Variants in SMG6 observed in about 807,000 individuals in gnomAD.
The protein encoded by SMG6 is SMG6 nonsense mediated mRNA decay factor.
Under a neutral mutation model 142.2 loss-of-function variants are expected in SMG6, and 66 were observed. The observed-to-expected ratio is 0.46, with a 90% CI of 0.38 to 0.57. SMG6 has a LOEUF of 0.57. Ranked by LOEUF, SMG6 falls within the 20% of genes least tolerant of loss-of-function variation. The pLI, the probability that SMG6 is intolerant of heterozygous loss-of-function variation, is 0.00. For missense variants in SMG6, 1,793 were observed against 1,832.0 expected (o/e 0.98, Z 0.39); for synonymous variants, 779 against 702.4 (o/e 1.11, Z -1.72).
chr17:2,137,990 T>C (rs2070359427), intron 13 of SMG6, among the ~76,000 whole-genome samples: 1 of 151,418 alleles, frequency 6.6e-6, no homozygotes, highest in Non-Finnish European at 1.5e-5. Context: ...GGTTGGAGAG[T>C]AGTATCACGG....
At chr17:2,212,347 G>C (rs2072889452) in intron 10 of SMG6, among the ~76,000 whole-genome samples, 1 of 152,150 alleles carries the variant, frequency 6.6e-6, no homozygotes, top group African/African-American at 2.4e-5. Flanking sequence ...AAAGAAAGGG[G>C]ATCTGGGCAG....
At position 2,303,713 on chromosome 17, in the gene SMG6, T is replaced by C; in HGVS notation, c.8A>G (p.Glu3Gly). The change falls in exon 1 of 19, where the codon GAA becomes GGA. Residue 3 changes from glutamate (E) to glycine (G), a missense_variant. Coordinates refer to ENST00000263073, the MANE Select transcript of SMG6 (RefSeq NM_017575.5). ...GGAGATCCGCACACGCTCCAGCCCT[T>C]CCGCCATCTTCGCGGCTGCTGCTAC... Reference protein sequence around the residue: MAEGLERVRISAS... With the variant: MAGGLERVRISAS... The C allele has an allele frequency of 6.7e-7, 1 of 1,492,408 alleles. No homozygotes were observed. The highest frequency in any genetic ancestry group is 2.2e-5 in the Admixed American group (1 of 45,048). 92.4% of individuals were successfully genotyped at this position (1,492,408 alleles called of 1,614,324 possible).
At chr17:2,121,147 C>T (rs2069675507) in intron 13 of SMG6, among the ~76,000 whole-genome samples, 1 of 152,214 alleles carries the variant, frequency 6.6e-6, no homozygotes, top group Admixed American at 6.5e-5. Flanking sequence ...CTCAGCAATT[C>T]TAATCCTAGG....
intron 12 of SMG6, among the ~76,000 whole-genome samples, chr17:2,180,610 A>C (rs2071775993): frequency 6.6e-6 from 1 of 152,182 alleles, no homozygotes. Flanking sequence ...GAAGAGGAGC[A>C]TGGGCAAAGA....
At chr17:2,078,655 A>G (rs1055167271) in intron 15 of SMG6, among the ~76,000 whole-genome samples, 15 of 152,162 alleles carry the variant, frequency 9.9e-5, no homozygotes, top group African/African-American at 3.6e-4. Context: ...TACAGGCATA[A>G]GCCACTGCGC....
At chr17:2,233,751 AG>A (rs985677989) in intron 10 of SMG6, 1 of 151,614 alleles carries the variant, frequency 6.6e-6, no homozygotes, top group African/African-American at 2.4e-5. Context: ...AGGGGACCAA[AG>A]ATGATGACTC....
At chr17:2,094,311 C>T (rs1030673464) in intron 13 of SMG6, among the ~76,000 whole-genome samples, 9 of 151,974 alleles carry the variant, frequency 5.9e-5, no homozygotes, top group Non-Finnish European at 1.3e-4. Context: ...GGTGCAGTGG[C>T]GAGATATCAG....
intron 13 of SMG6, among the ~76,000 whole-genome samples, chr17:2,123,474 C>A (rs2069768205): frequency 6.6e-6 from 1 of 152,178 alleles, no homozygotes; most frequent in African/African-American, 2.4e-5. Context: ...CAATTAACTG[C>A]AAACAATTTT....
chr17:2,251,850 C>G (rs2074053024), intron 8 of SMG6, among the ~76,000 whole-genome samples: 1 of 152,138 alleles, frequency 6.6e-6, no homozygotes. Flanking sequence ...GCCTGTAATC[C>G]CAGCACTTTG....
At chr17:2,252,177 G>A (rs780653071) in intron 8 of SMG6, among the ~76,000 whole-genome samples, 3 of 152,166 alleles carry the variant, frequency 2.0e-5, no homozygotes, top group Non-Finnish European at 4.4e-5. Flanking sequence ...ACTTTGGGAG[G>A]CTGAGGTGGG....
At chr17:2,134,956 T>G (rs1393945382) in intron 13 of SMG6, among the ~76,000 whole-genome samples, 1 of 152,174 alleles carries the variant, frequency 6.6e-6, no homozygotes, top group Non-Finnish European at 1.5e-5. Context: ...CTCGGCTCAT[T>G]GCAACTTCTG....
At chr17:2,075,430 G>C (rs2151415561) in intron 15 of SMG6, among the ~76,000 whole-genome samples, 1 of 152,336 alleles carries the variant, frequency 6.6e-6, no homozygotes, top group East Asian at 1.9e-4. Context: ...CAGAGGAAGA[G>C]CCTGTTATGT....
At position 2,145,149 on chromosome 17, in the gene SMG6, C is replaced by T. The variant is rs116456709; in HGVS notation, c.3357+27509G>A. On this transcript the variant is annotated intron_variant, in intron 13 of 18. Transcript: ENST00000263073. Reference sequence around the variant, plus strand: ...TTTTGGAGACAGTCTCTCTCTGTCGCTCTGTTGCCCAGGCTGATCAGTGGG... The same window carrying T: ...TTTTGGAGACAGTCTCTCTCTGTCGTTCTGTTGCCCAGGCTGATCAGTGGG... Among the ~76,000 whole-genome samples, 510 of 152,210 alleles carry T rather than the reference C, an allele frequency of 3.4e-3. 7 individuals carry two copies. Among genetic ancestry groups the T allele is most frequent in the African/African-American group, 0.011 (477 of 41,512 alleles).
chr17:2,272,281 T>C (rs2074556840), intron 8 of SMG6, among the ~76,000 whole-genome samples: 1 of 152,174 alleles, frequency 6.6e-6, no homozygotes, highest in Non-Finnish European at 1.5e-5. Flanking sequence ...CTCTTCCCAC[T>C]CTGCCCAGTT....
At chr17:2,186,581 CAG>C (rs1055824506) in intron 12 of SMG6, 80 bp downstream of exon 12, 4 of 1,503,080 alleles carry the variant, frequency 2.7e-6, no homozygotes, top group Non-Finnish European at 3.6e-6. Context: ...CAGAAAGAAA[CAG>C]AGCAGGATGA....
chr17:2,123,862 G>A (rs2069782960), intron 13 of SMG6, among the ~76,000 whole-genome samples: 1 of 152,176 alleles, frequency 6.6e-6, no homozygotes, highest in Non-Finnish European at 1.5e-5. Context: ...ACTTAGAGCT[G>A]CTTTTATAAT....
chr17:2,161,490 A>G (rs1329890205), intron 13 of SMG6, among the ~76,000 whole-genome samples: 1 of 151,794 alleles, frequency 6.6e-6, no homozygotes, highest in East Asian at 1.9e-4. Flanking sequence ...CGGCTCACTA[A>G]TCTTCAGGTT....
chr17:2,278,782 AATT>A lies in SMG6; in HGVS notation c.2661+3862_2661+3864del, dbSNP rs1377177557. On this transcript the variant is annotated intron_variant, in intron 8 of 18. Coordinates refer to ENST00000263073, the MANE Select transcript of SMG6 (RefSeq NM_017575.5). ...TCACATGTAGCCCATAAATATGTAC[AATT>A]ATTATATATCAATTTTTAAACATGA... Among the ~76,000 whole-genome samples the A allele has an allele frequency of 2.6e-5, 4 of 152,338 alleles. No individual in the cohort carries two copies. The South Asian group carries it at 6.2e-4, about 24-fold the overall frequency.
chr17:2,303,377 C>T (rs1029065289), intron 1 of SMG6: 5 of 1,234,528 alleles, frequency 4.1e-6, no homozygotes, highest in Non-Finnish European at 5.1e-6. Context: ...GAACAGTCAC[C>T]TTCGCGGCGA....
Sources: gnomAD v4.1 joint callset for allele counts (sites outside exome capture counted in the v4.1 genomes callset) on GRCh38, gnomAD v4.1.1 for gene constraint, MANE v1.5 for transcripts, NCBI Gene and HGNC (gene_info 2026-07-23, HGNC 2026-07-21) for gene names.